WDFY3: variants seen among roughly 807,000 people sequenced by gnomAD.
WDFY3 encodes the protein WD repeat and FYVE domain containing 3, also known as WD repeat and FYVE domain-containing protein 3.
A neutral mutation model predicts 409.6 loss-of-function variants in WDFY3; 66 were observed. The observed-to-expected ratio is 0.16, with a 90% confidence interval of 0.13 to 0.20. The LOEUF (loss-of-function observed/expected upper bound fraction) is 0.20, where lower values mean the gene tolerates loss of function less well. Among genes scored for constraint, WDFY3 ranks in the 10% least tolerant of loss-of-function variants. The pLI, the probability that WDFY3 is intolerant of heterozygous loss-of-function variation, is 1.00. For missense variants in WDFY3, 3,031 were observed against 4,298.1 expected (o/e 0.71, Z 8.24); for synonymous variants, 1,521 against 1,537.1 (o/e 0.99, Z 0.25).
intron 66 of WDFY3, among the ~76,000 whole-genome samples, chr4:84,677,729 G>A (rs911606568): frequency 2.0e-5 from 3 of 152,006 alleles, no homozygotes; most frequent in Admixed American, 6.6e-5. Flanking sequence ...TTGGGAGGCC[G>A]AGGTGGGCGG....
intron 1 of WDFY3, among the ~76,000 whole-genome samples, chr4:84,940,608 C>G (rs1364243861): frequency 6.6e-6 from 1 of 151,926 alleles, no homozygotes; most frequent in Non-Finnish European, 1.5e-5. Context: ...AGATAGCACA[C>G]TATATATTCT....
At chr4:84,918,848 C>T (rs951070305) in intron 2 of WDFY3, among the ~76,000 whole-genome samples, 1 of 150,828 alleles carries the variant, frequency 6.6e-6, no homozygotes, top group Admixed American at 6.6e-5. Flanking sequence ...TACACACACA[C>T]ACATATATAT....
At chr4:84,859,518 A>G (rs1203380589) in intron 4 of WDFY3, among the ~76,000 whole-genome samples, 1 of 152,188 alleles carries the variant, frequency 6.6e-6, no homozygotes, top group African/African-American at 2.4e-5. Context: ...AGCCTGTGAA[A>G]CTATCTGACT....
intron 23 of WDFY3, 25 bp from the exon 24 acceptor site, chr4:84,786,164 C>T: frequency 1.3e-6 from 2 of 1,574,300 alleles, no homozygotes; most frequent in Non-Finnish European, 1.7e-6. Flanking sequence ...TAATTCTTTT[C>T]AAAATCATCA....
chr4:84,939,799 G>C (rs1771890556), intron 1 of WDFY3, among the ~76,000 whole-genome samples: 1 of 151,890 alleles, frequency 6.6e-6, no homozygotes. Flanking sequence ...CCCTATCCTA[G>C]AATCATCTAT....
At chr4:84,883,012 T>C (rs1763750559) in intron 3 of WDFY3, among the ~76,000 whole-genome samples, 1 of 152,176 alleles carries the variant, frequency 6.6e-6, no homozygotes, top group African/African-American at 2.4e-5. Flanking sequence ...TGGCCTCCCT[T>C]ATAATTTTTG....
At chr4:84,869,497 G>A (rs1679528256) in intron 3 of WDFY3, among the ~76,000 whole-genome samples, 1 of 151,896 alleles carries the variant, frequency 6.6e-6, no homozygotes, top group Admixed American at 6.6e-5. Flanking sequence ...CTGCAGACTG[G>A]TTACAATAAA....
intron 64 of WDFY3, 72 bp from the exon 65 acceptor site, chr4:84,679,314 T>A: frequency 7.3e-7 from 1 of 1,372,820 alleles, no homozygotes; most frequent in Non-Finnish European, 9.6e-7. Flanking sequence ...TCTGCTAGTA[T>A]TTTTTTTCTC....
At chr4:84,733,892 G>A (rs1021708908) in intron 43 of WDFY3, among the ~76,000 whole-genome samples, 4 of 152,130 alleles carry the variant, frequency 2.6e-5, no homozygotes, top group Admixed American at 1.3e-4. Context: ...TCTGGCACAG[G>A]AAAGATGGTA....
In WDFY3 at chr4:84,733,562, G is replaced by A. The variant is rs561919899; in HGVS notation, c.7041C>T (p.Ile2347=). 9.3e-6 allele frequency: 15 copies of A among 1,613,890 alleles called. No individual in the cohort carries two copies. The East Asian group carries it at 1.8e-4, about 19-fold the overall frequency. ...CCCGCTCCCTCAACAGCTCGCACTC[G>A]ATCTGACACCACTCTTCTGTCACGT... ...LKYVTEEWCQ[I]ECELLRERGL... is the part of the protein sequence containing the mutation. Residue 2347 remains isoleucine, a synonymous_variant, in exon 44 of 68, where the codon ATC becomes ATT. Transcript: ENST00000295888.
At chr4:84,943,962 A>G (rs1772475215) in intron 1 of WDFY3, among the ~76,000 whole-genome samples, 1 of 152,178 alleles carries the variant, frequency 6.6e-6, no homozygotes, top group African/African-American at 2.4e-5. Flanking sequence ...AACATTCCAG[A>G]TTAGGATATA....
chr4:84,812,355 A>G (rs1487317470), intron 13 of WDFY3, among the ~76,000 whole-genome samples: 4 of 151,710 alleles, frequency 2.6e-5, no homozygotes, highest in Non-Finnish European at 5.9e-5. Flanking sequence ...GCATGCACGC[A>G]CACACACACA....
intron 32 of WDFY3, among the ~76,000 whole-genome samples, chr4:84,760,784 GT>G (rs1224922320): frequency 2.1e-5 from 3 of 146,038 alleles, no homozygotes; most frequent in Admixed American, 6.9e-5. Context: ...TTTTTGAAGG[GT>G]TTTTTGTGTC....
chr4:84,789,628 C>A, intron 22 of WDFY3, 98 bp downstream of exon 22: 1 of 1,225,348 alleles, frequency 8.2e-7, no homozygotes, highest in Non-Finnish European at 1.1e-6. Flanking sequence ...AAAAATATCC[C>A]TGTAACACAC....
chr4:84,693,631 C>T (rs751979977), intron 58 of WDFY3, among the ~76,000 whole-genome samples: 2 of 152,154 alleles, frequency 1.3e-5, no homozygotes, highest in Non-Finnish European at 2.9e-5. Context: ...GGTGAGGTGG[C>T]TCATGCCTGT....
At chr4:84,860,265 C>T in intron 4 of WDFY3, 147 bp downstream of exon 4, 1 of 910,484 alleles carries the variant, frequency 1.1e-6, no homozygotes, top group Non-Finnish European at 1.6e-6. Context: ...TGCTTTATAG[C>T]AAATTGAAAA....
At chr4:84,761,705 C>G (rs1742629060) in intron 32 of WDFY3, among the ~76,000 whole-genome samples, 1 of 152,096 alleles carries the variant, frequency 6.6e-6, no homozygotes, top group African/African-American at 2.4e-5. Context: ...ATTTTCACAA[C>G]CTACTCATCT....
At chr4:84,801,211 T>C (rs541988614) in intron 17 of WDFY3, among the ~76,000 whole-genome samples, 112 of 152,316 alleles carry the variant, frequency 7.4e-4, no homozygotes, top group Non-Finnish European at 8.4e-4. Context: ...GTTTGGATAC[T>C]GTAGTATAGT....
intron 2 of WDFY3, among the ~76,000 whole-genome samples, chr4:84,899,823 C>T (rs955375357): frequency 3.3e-4 from 50 of 152,020 alleles, no homozygotes; most frequent in African/African-American, 1.2e-3. Context: ...TCACTTAAGG[C>T]CTGGAGTTCA....
Sources: gnomAD v4.1 joint callset for allele counts (sites outside exome capture counted in the v4.1 genomes callset) on GRCh38, gnomAD v4.1.1 for gene constraint, MANE v1.5 for transcripts, NCBI Gene and HGNC (gene_info 2026-07-23, HGNC 2026-07-21) for gene names.